RANBP17: variants seen among roughly 807,000 people sequenced by gnomAD.
RANBP17 encodes ran-binding protein 17.
RANBP17 carries 158 observed loss-of-function variants against 141.2 expected under a neutral mutation model. That is an observed-to-expected ratio of 1.12 (90% CI 0.98 to 1.28). RANBP17 has a LOEUF of 1.28. RANBP17 is among the 50% of genes most tolerant of loss of function. RANBP17 has a pLI of 0.00. For synonymous variants in RANBP17, 430 were observed against 450.0 expected, an observed-to-expected ratio of 0.96 and a Z score of 0.56; for missense variants, 1,438 against 1,290.7, an observed-to-expected ratio of 1.11 and a Z score of -1.75.
chr5:170,879,196 ATAC>A (rs1768449303), intron 2 of RANBP17, among the ~76,000 whole-genome samples: 1 of 152,304 alleles, frequency 6.6e-6, no homozygotes, highest in South Asian at 2.1e-4. Flanking sequence ...GTACTGCTAA[ATAC>A]TAATATCAGT....
intron 14 of RANBP17, among the ~76,000 whole-genome samples, chr5:171,140,272 A>G (rs1326963659): frequency 2.0e-5 from 3 of 152,222 alleles, no homozygotes. Flanking sequence ...TTTCACTAGA[A>G]CTGTAACTTC....
chr5:171,129,482 C>G (rs1474058247), intron 14 of RANBP17, among the ~76,000 whole-genome samples: 1 of 152,160 alleles, frequency 6.6e-6, no homozygotes, highest in African/African-American at 2.4e-5. Context: ...TCGCTTCAAT[C>G]TGGCACTGTA....
At chr5:171,156,272 A>T (rs1240922891) in intron 14 of RANBP17, among the ~76,000 whole-genome samples, 1 of 152,112 alleles carries the variant, frequency 6.6e-6, no homozygotes, top group African/African-American at 2.4e-5. Flanking sequence ...TAACTGCTAA[A>T]ATTATGATTT....
chr5:171,111,273 T>C (rs933127644), intron 14 of RANBP17, among the ~76,000 whole-genome samples: 2 of 152,242 alleles, frequency 1.3e-5, no homozygotes, highest in African/African-American at 2.4e-5. Context: ...TTCTAAGATA[T>C]AACCATTCAG....
intron 1 of RANBP17, among the ~76,000 whole-genome samples, chr5:170,869,963 T>C (rs994528364): frequency 2.0e-5 from 3 of 152,180 alleles, no homozygotes; most frequent in African/African-American, 7.2e-5. Flanking sequence ...ACTAGTCTCA[T>C]TTTTGCTGCC....
intron 5 of RANBP17, among the ~76,000 whole-genome samples, chr5:170,899,780 G>T (rs980871938): frequency 2.0e-5 from 3 of 152,126 alleles, no homozygotes; most frequent in African/African-American, 4.8e-5. Flanking sequence ...TAATCATGTG[G>T]TTTTTGTCAT....
At chr5:171,254,246 CAAA>C (rs36093805) in intron 24 of RANBP17, among the ~76,000 whole-genome samples, 24 of 115,040 alleles carry the variant, frequency 2.1e-4, no homozygotes, top group East Asian at 9.8e-4. Flanking sequence ...GACTCTGTCT[CAAA>C]AAAAAAAAAA....
At chr5:171,218,987 A>G (rs1283494422) in intron 21 of RANBP17, among the ~76,000 whole-genome samples, 1 of 152,130 alleles carries the variant, frequency 6.6e-6, no homozygotes, top group Admixed American at 6.5e-5. Context: ...GTTTCTTCAT[A>G]GTGTCATTGG....
chr5:171,205,570 C>G lies in RANBP17; in HGVS notation c.2189C>G (p.Ala730Gly). 1 of 1,613,988 alleles carries G rather than the reference C, an allele frequency of 6.2e-7. No individual in the cohort carries two copies. Among genetic ancestry groups the G allele is most frequent in the Non-Finnish European group, 8.5e-7 (1 of 1,179,890 alleles). ...LARDLRGIAF[A>G]LNTKTSYTML... ...AGAGATCTTCGAGGGATTGCCTTTG[C>G]ACTGAACACAAAGACCAGCTACACC... Residue 730 changes from alanine (A) to glycine (G), a missense_variant, in exon 20 of 28, where the codon GCA becomes GGA. Coordinates refer to ENST00000523189, the MANE Select transcript of RANBP17 (RefSeq NM_022897.5).
intron 24 of RANBP17, among the ~76,000 whole-genome samples, chr5:171,245,381 C>T (rs1184136841): frequency 6.6e-6 from 1 of 152,216 alleles, no homozygotes; most frequent in Non-Finnish European, 1.5e-5. Context: ...ACAGCACAAT[C>T]TCAGCCCACT....
intron 1 of RANBP17, among the ~76,000 whole-genome samples, chr5:170,871,247 C>G (rs1041571512): frequency 3.3e-5 from 5 of 152,128 alleles, no homozygotes; most frequent in African/African-American, 9.7e-5. Context: ...CAGGGTTTCA[C>G]TATGTTGGCC....
intron 14 of RANBP17, among the ~76,000 whole-genome samples, chr5:171,133,986 A>G (rs772857259): frequency 8.5e-5 from 13 of 152,210 alleles, no homozygotes; most frequent in Admixed American, 1.3e-4. Flanking sequence ...GTACCATCTA[A>G]GATAAATACT....
chr5:171,214,940 GTTACA>G (rs1285705923), intron 21 of RANBP17, among the ~76,000 whole-genome samples: 1 of 151,872 alleles, frequency 6.6e-6, no homozygotes, highest in Admixed American at 6.6e-5. Context: ...ATGCAGGTTT[GTTACA>G]TAGGTATACA....
At chr5:170,928,663 G>A (rs1773112574) in intron 12 of RANBP17, among the ~76,000 whole-genome samples, 1 of 151,836 alleles carries the variant, frequency 6.6e-6, no homozygotes, top group African/African-American at 2.4e-5. Flanking sequence ...TGGACTTTTT[G>A]TTCTGTACCA....
At chr5:171,213,233 A>G (rs1448694109) in intron 20 of RANBP17, among the ~76,000 whole-genome samples, 1 of 152,160 alleles carries the variant, frequency 6.6e-6, no homozygotes, top group Non-Finnish European at 1.5e-5. Context: ...AGTACCCAAG[A>G]AACTGATAAT....
intron 24 of RANBP17, among the ~76,000 whole-genome samples, chr5:171,247,018 C>T (rs774339274): frequency 1.1e-4 from 16 of 151,980 alleles, no homozygotes; most frequent in Admixed American, 2.0e-4. Context: ...AGTAAGTGTT[C>T]GATAAATATT....
intron 14 of RANBP17, among the ~76,000 whole-genome samples, chr5:171,013,425 T>C (rs577948474): frequency 6.6e-6 from 1 of 152,266 alleles, no homozygotes; most frequent in Admixed American, 6.5e-5. Context: ...GTACCACTTG[T>C]CTCCATGCCC....
At chr5:171,088,073 AT>A (rs1785835171) in intron 14 of RANBP17, among the ~76,000 whole-genome samples, 2 of 151,478 alleles carry the variant, frequency 1.3e-5, no homozygotes, top group Admixed American at 1.3e-4. Context: ...TGGTCTTGAC[AT>A]TTTGGCATGA....
chr5:171,192,830 A>G (rs530496083), intron 18 of RANBP17, among the ~76,000 whole-genome samples: 5 of 152,280 alleles, frequency 3.3e-5, no homozygotes, highest in African/African-American at 1.2e-4. Context: ...TTCCCAACAC[A>G]TACTAAAATA....
Sources: allele counts gnomAD v4.1 joint callset (sites outside exome capture counted in the v4.1 genomes callset), GRCh38; gene constraint gnomAD v4.1.1; transcripts MANE v1.5; gene names NCBI Gene and HGNC (gene_info 2026-07-23, HGNC 2026-07-21).